The following DPP10 variants were observed in gnomAD, a reference collection of about 807,000 sequenced individuals.
The protein encoded by DPP10 is inactive dipeptidyl peptidase 10.
DPP10 carries 33 observed loss-of-function variants against 120.9 expected under a neutral mutation model. The ratio of observed to expected loss-of-function variants is 0.27; its 90% CI spans 0.21 to 0.37. DPP10 has a LOEUF of 0.37. DPP10 is among the 10% of genes least tolerant of loss of function. The pLI, the probability that DPP10 is intolerant of heterozygous loss-of-function variation, is 1.00. For missense variants in DPP10, 816 were observed against 942.8 expected (o/e 0.87, Z 1.76); for synonymous variants, 337 against 326.1 (o/e 1.03, Z -0.36).
chr2:115,247,640 G>A (rs1405866501), intron 1 of DPP10, among the ~76,000 whole-genome samples: 1 of 152,096 alleles, frequency 6.6e-6, no homozygotes, highest in Non-Finnish European at 1.5e-5. Context: ...AAGAGAGTCA[G>A]TGGTGTCTTG....
At chr2:115,198,714 C>G (rs1387495880) in intron 1 of DPP10, among the ~76,000 whole-genome samples, 5 of 152,294 alleles carry the variant, frequency 3.3e-5, no homozygotes, top group Non-Finnish European at 5.9e-5. Flanking sequence ...CCCAGCCCCA[C>G]CCAGACTTAA....
chr2:115,461,569 A>G (rs1248163685), intron 3 of DPP10, among the ~76,000 whole-genome samples: 3 of 152,172 alleles, frequency 2.0e-5, no homozygotes, highest in African/African-American at 4.8e-5. Flanking sequence ...TCTGTGAAGT[A>G]ATGGATGTCT....
intron 1 of DPP10, among the ~76,000 whole-genome samples, chr2:114,991,372 A>T (rs1260968496): frequency 6.6e-6 from 1 of 152,200 alleles, no homozygotes; most frequent in East Asian, 1.9e-4. Context: ...ACTTTCTCTG[A>T]AAAGCCCTTA....
intron 1 of DPP10, among the ~76,000 whole-genome samples, chr2:114,637,720 A>G (rs1485574782): frequency 6.6e-6 from 1 of 151,900 alleles, no homozygotes; most frequent in Non-Finnish European, 1.5e-5. Flanking sequence ...CTGCTATCCC[A>G]GCACCATTTA....
intron 1 of DPP10, among the ~76,000 whole-genome samples, chr2:115,008,674 A>T (rs1403478948): frequency 2.4e-4 from 28 of 115,368 alleles, no homozygotes; most frequent in African/African-American, 7.9e-4. Context: ...TTCGCAACCT[A>T]CTCATCTGAC....
At chr2:114,950,025 A>T (rs892330443) in intron 1 of DPP10, among the ~76,000 whole-genome samples, 3 of 152,182 alleles carry the variant, frequency 2.0e-5, no homozygotes, top group Non-Finnish European at 2.9e-5. Flanking sequence ...AATGTGACTT[A>T]AAAAAATTCT....
intron 10 of DPP10, among the ~76,000 whole-genome samples, chr2:115,748,893 C>G (rs1678353467): frequency 6.6e-6 from 1 of 152,250 alleles, no homozygotes; most frequent in East Asian, 1.9e-4. Flanking sequence ...ATGTCTGATT[C>G]AGCTGAAGTC....
chr2:114,994,800 T>C (rs888952641), intron 1 of DPP10, among the ~76,000 whole-genome samples: 1 of 152,222 alleles, frequency 6.6e-6, no homozygotes, highest in Non-Finnish European at 1.5e-5. Flanking sequence ...TGAGATTACC[T>C]GCTCCAGAAA....
intron 1 of DPP10, among the ~76,000 whole-genome samples, chr2:115,177,833 T>C (rs1446296515): frequency 5.3e-5 from 8 of 152,124 alleles, no homozygotes. Flanking sequence ...GCGCGATCTC[T>C]GCTCGCTGCA....
chr2:114,653,025 AGAGTGTGTGT>A (rs1441691280), intron 1 of DPP10, among the ~76,000 whole-genome samples: 1 of 118,868 alleles, frequency 8.4e-6, no homozygotes, highest in Admixed American at 7.8e-5. Context: ...AGAGAGAGAG[AGAGTGTGTGT>A]GTGTGTGTGT....
chr2:115,085,877 A>AT (rs954037136), intron 1 of DPP10, among the ~76,000 whole-genome samples: 30 of 152,320 alleles, frequency 2.0e-4, no homozygotes, highest in African/African-American at 6.7e-4. Flanking sequence ...TAAAGCTCTG[A>AT]TTTTTTATCT....
chr2:115,605,381 C>T (rs1308956284), intron 5 of DPP10, among the ~76,000 whole-genome samples: 3 of 152,070 alleles, frequency 2.0e-5, no homozygotes, highest in African/African-American at 2.4e-5. Context: ...CAGGCTATCT[C>T]TGTAAATGAT....
chr2:115,154,557 A>G (rs1195418605), intron 1 of DPP10, among the ~76,000 whole-genome samples: 1 of 152,200 alleles, frequency 6.6e-6, no homozygotes, highest in Non-Finnish European at 1.5e-5. Context: ...GGACAACAGA[A>G]AGAGAAAATA....
intron 1 of DPP10, among the ~76,000 whole-genome samples, chr2:114,764,551 C>CAA (rs1680551265): frequency 6.6e-6 from 1 of 151,766 alleles, no homozygotes; most frequent in Non-Finnish European, 1.5e-5. Flanking sequence ...GAAGTACTGG[C>CAA]ATTTCTATTT....
chr2:114,542,705 G>T (rs1228421265), intron 1 of DPP10, among the ~76,000 whole-genome samples: 1 of 152,118 alleles, frequency 6.6e-6, no homozygotes, highest in African/African-American at 2.4e-5. Flanking sequence ...GTGGTAATCT[G>T]GTGAAATAAA....
In DPP10 at chr2:115,136,309, G is replaced by A. The variant is rs538371497; in HGVS notation, c.61-172930G>A. Among the ~76,000 whole-genome samples, 11 of 152,262 alleles carry A rather than the reference G, an allele frequency of 7.2e-5. No homozygotes were observed. The South Asian group carries it at 2.3e-3, about 32-fold the overall frequency. ...TGTGTTTAGGTCTATGAATGGAAGA[G>A]CGCACCTGTGTGTGTCCTGTCCCAG... On this transcript the variant is annotated intron_variant, in intron 1 of 25. Coordinates refer to ENST00000410059, the MANE Select transcript of DPP10 (RefSeq NM_020868.6).
intron 1 of DPP10, among the ~76,000 whole-genome samples, chr2:114,630,823 CT>C (rs1172023550): frequency 6.6e-6 from 1 of 152,114 alleles, no homozygotes; most frequent in African/African-American, 2.4e-5. Context: ...CCTCTCTGCC[CT>C]TCTGGTCCCC....
chr2:115,377,403 G>T (rs1397976066), intron 3 of DPP10, among the ~76,000 whole-genome samples: 1 of 152,032 alleles, frequency 6.6e-6, no homozygotes, highest in Non-Finnish European at 1.5e-5. Flanking sequence ...GGGGTTGTTT[G>T]TTTTTTTCTT....
chr2:114,493,703 G>A (rs1482061625), intron 1 of DPP10, among the ~76,000 whole-genome samples: 6 of 152,062 alleles, frequency 3.9e-5, no homozygotes, highest in African/African-American at 1.4e-4. Flanking sequence ...ATAATGACTG[G>A]GTGTTTAGTT....
Sources: allele counts gnomAD v4.1 joint callset (sites outside exome capture counted in the v4.1 genomes callset), GRCh38; gene constraint gnomAD v4.1.1; transcripts MANE v1.5; gene names NCBI Gene and HGNC (gene_info 2026-07-23, HGNC 2026-07-21).